Variants in CRYBG3 observed in about 807,000 individuals in gnomAD.
CRYBG3 encodes the protein crystallin beta-gamma domain containing 3, also known as very large A-kinase anchor protein.
Under a neutral mutation model 244.2 loss-of-function variants are expected in CRYBG3, and 127 were observed. The observed-to-expected ratio is 0.52, with a 90% CI of 0.45 to 0.60. The LOEUF (loss-of-function observed/expected upper bound fraction) is 0.60, where lower values mean the gene tolerates loss of function less well. CRYBG3 is among the 20% of genes least tolerant of loss of function. The probability of loss-of-function intolerance (pLI) is 0.00; values close to 1 mark genes in which losing one functional copy is unlikely to be tolerated. For missense variants in CRYBG3, 3,325 were observed against 3,442.5 expected (o/e 0.97, Z 0.85); for synonymous variants, 1,132 against 1,195.8 (o/e 0.95, Z 1.10).
Position 97,874,855 on chromosome 3 carries a change from G to A in CRYBG3, c.3661G>A (p.Val1221Met). The A allele has an allele frequency of 2.6e-6, 4 of 1,535,786 alleles. No individual in the cohort carries two copies. The highest frequency in any genetic ancestry group is 1.2e-5 in the South Asian group (1 of 84,018). Reference sequence around the variant, plus strand: ...GGAAGAACTAAAATTCAAACACACAGTGAGTACCTGCCAGGAGCATATAGC... The same window carrying A: ...GGAAGAACTAAAATTCAAACACACAATGAGTACCTGCCAGGAGCATATAGC... ...VREELKFKHT[V>M]STCQEHIAIE... The change falls in exon 4 of 22, where the codon GTG (valine) becomes ATG (methionine). Residue 1221 changes from valine to methionine, a missense_variant. By Grantham distance (21) the Val-to-Met change is conservative. This residue lies in a region of CRYBG3 where 1,526 missense variants were observed against 1,443.2 expected (regional missense o/e 1.06). Coordinates refer to ENST00000389622, the MANE Select transcript of CRYBG3 (RefSeq NM_153605.4).
chr3:97,876,879 A>G lies in CRYBG3; in HGVS notation c.5685A>G (p.Thr1895=). ...EAMLPAFESK[T]PQEYAEGSVE... is the part of the protein sequence containing the mutation. ...TGCTTCCTGCATTTGAAAGTAAAAC[A>G]CCACAAGAGTATGCTGAAGGGAGTG... The change falls in exon 4 of 22, where the codon ACA becomes ACG. Residue 1895 remains threonine, a synonymous_variant. Transcript: ENST00000389622. 2.9e-6 allele frequency: 4 copies of G among 1,394,618 alleles called. No homozygotes were observed. The highest frequency in any genetic ancestry group is 3.7e-6 in the Non-Finnish European group (4 of 1,074,440). 86.4% of individuals were successfully genotyped at this position (1,394,618 alleles called of 1,614,324 possible).
intron 19 of CRYBG3, among the ~76,000 whole-genome samples, chr3:97,937,798 G>A (rs1226422525): frequency 1.3e-5 from 2 of 151,910 alleles, no homozygotes; most frequent in Non-Finnish European, 2.9e-5. Context: ...ATGAAGGAAT[G>A]AATATATCAG....
intron 16 of CRYBG3, among the ~76,000 whole-genome samples, chr3:97,914,394 T>C (rs1449619288): frequency 6.6e-6 from 1 of 152,204 alleles, no homozygotes; most frequent in East Asian, 1.9e-4. Flanking sequence ...CATTGAAGTT[T>C]TTCTGGAGGA....
intron 17 of CRYBG3, 130 bp from the exon 18 acceptor site, chr3:97,933,564 A>C (rs1229683002): frequency 1.5e-5 from 14 of 922,682 alleles, no homozygotes; most frequent in Non-Finnish European, 2.4e-5. Context: ...GACTATAGCA[A>C]CCTTAGAGAG....
intron 2 of CRYBG3, among the ~76,000 whole-genome samples, chr3:97,850,018 G>A (rs1254828262): frequency 6.6e-6 from 1 of 152,026 alleles, no homozygotes; most frequent in African/African-American, 2.4e-5. Flanking sequence ...GTGAGCTTCA[G>A]GGTGATAAAG....
chr3:97,904,830 T>G (rs977628024), intron 15 of CRYBG3, among the ~76,000 whole-genome samples: 5 of 151,426 alleles, frequency 3.3e-5, no homozygotes, highest in Non-Finnish European at 7.4e-5. Flanking sequence ...GCTGGTGCAC[T>G]GCACCCACTA....
intron 3 of CRYBG3, among the ~76,000 whole-genome samples, chr3:97,867,729 A>G (rs1226177625): frequency 6.6e-6 from 1 of 152,218 alleles, no homozygotes; most frequent in African/African-American, 2.4e-5. Context: ...TAATTACAAA[A>G]TGCATGAAGT....
intron 21 of CRYBG3, 128 bp downstream of exon 21, chr3:97,942,571 G>A: frequency 1.1e-6 from 1 of 883,582 alleles, no homozygotes; most frequent in Non-Finnish European, 1.7e-6. Context: ...TATGCTTGAA[G>A]AAAATTAAGA....
chr3:97,884,455 T>C (rs544296851), intron 7 of CRYBG3, among the ~76,000 whole-genome samples: 7 of 152,168 alleles, frequency 4.6e-5, no homozygotes, highest in Non-Finnish European at 8.8e-5. Context: ...ATTTTCTTAC[T>C]GTGTTTGTTT....
chr3:97,928,949 CTA>C (rs1325109659), intron 17 of CRYBG3, among the ~76,000 whole-genome samples: 1 of 151,790 alleles, frequency 6.6e-6, no homozygotes. Context: ...ATATTAAGTG[CTA>C]TATATGTTAG....
In CRYBG3 at chr3:97,944,455, TAAAG is replaced by T. The variant is rs2040304160; in HGVS notation, c.*1147_*1150del. The T allele has an allele frequency of 6.6e-6, 1 of 152,366 alleles. No homozygotes were observed. The highest frequency in any genetic ancestry group is 2.4e-5 in the African/African-American group (1 of 41,418). The allele number at this position is 152,366 out of a possible 1,614,324, so 9.4% of individuals were successfully genotyped here. A position where few individuals can be genotyped will look rare whatever the true frequency, so the allele number is the denominator to read the frequency against. On this transcript the variant is annotated 3_prime_UTR_variant, in exon 22 of 22. Coordinates refer to ENST00000389622, the MANE Select transcript of CRYBG3 (RefSeq NM_153605.4). ...AAAGCAGAAAAATGCTCTATTTTTA[TAAAG>T]AAAGATTAAATTCTCCAATGATATT...
chr3:97,912,281 G>C lies in CRYBG3; in HGVS notation c.8114+5G>C. 6.7e-7 allele frequency: 1 copy of C among 1,491,956 alleles called. No homozygotes were observed. 92.4% of individuals were successfully genotyped at this position (1,491,956 alleles called of 1,614,324 possible). On this transcript the variant is annotated splice_donor_5th_base_variant and intron_variant, in intron 16 of 21. Transcript: ENST00000389622. ...TTTTAAAGTTCTTCGAGGTTGGTAA[G>C]TATGCTTACTTAGTGGTTTCTGCTG...
intron 2 of CRYBG3, among the ~76,000 whole-genome samples, chr3:97,859,480 A>G (rs1178178869): frequency 6.6e-6 from 1 of 152,216 alleles, no homozygotes; most frequent in Admixed American, 6.5e-5. Flanking sequence ...TGTAGGTACC[A>G]TGAAAGCCAG....
rs2040282022 is a variant in CRYBG3 at position 97,943,560 on chromosome 3, C to T, written c.*246C>T. 1 of 430,480 alleles carries T rather than the reference C, an allele frequency of 2.3e-6. No homozygotes were observed. Among genetic ancestry groups the T allele is most frequent in the Admixed American group, 4.7e-5 (1 of 21,260 alleles). 26.7% of individuals were successfully genotyped at this position (430,480 alleles called of 1,614,324 possible). ...ATCTTGGAAAGGTTCTATTCCTGATCTCCAGCTGTGGTGAGCAAGTTTCCT... is the reference window on the plus strand; with the variant it reads ...ATCTTGGAAAGGTTCTATTCCTGATTTCCAGCTGTGGTGAGCAAGTTTCCT... On this transcript the variant is annotated 3_prime_UTR_variant, in exon 22 of 22. Transcript: ENST00000389622.
chr3:97,913,698 G>A lies in CRYBG3; in HGVS notation c.8114+1422G>A, dbSNP rs544701676. 3.3e-5 allele frequency among the ~76,000 whole-genome samples: 5 copies of A among 152,292 alleles called. No homozygotes were observed. The East Asian group carries it at 7.7e-4, about 23-fold the overall frequency. ...TGCTGACACCTGTTTCATACCAAAG[G>A]TTGGAGGTCTCTGGTAAATCTAGCC... On this transcript the variant is annotated intron_variant, in intron 16 of 21. Transcript: ENST00000389622.
chr3:97,850,289 A>G (rs554408400), intron 2 of CRYBG3, among the ~76,000 whole-genome samples: 82 of 152,236 alleles, frequency 5.4e-4, no homozygotes, highest in Admixed American at 2.3e-3. Flanking sequence ...AATTTCACGC[A>G]TATTTTTTCT....
At chr3:97,839,310 ATTTAT>A (rs1037251675) in intron 1 of CRYBG3, among the ~76,000 whole-genome samples, 1 of 151,852 alleles carries the variant, frequency 6.6e-6, no homozygotes, top group African/African-American at 2.4e-5. Flanking sequence ...TTTTTATTTT[ATTTAT>A]TTTATTTTAT....
At chr3:97,849,984 T>C (rs2038960322) in intron 2 of CRYBG3, among the ~76,000 whole-genome samples, 1 of 152,172 alleles carries the variant, frequency 6.6e-6, no homozygotes, top group Admixed American at 6.5e-5. Context: ...AGCTCATATA[T>C]GTTCCTTTAG....
intron 1 of CRYBG3, among the ~76,000 whole-genome samples, chr3:97,834,017 C>A (rs1236377260): frequency 1.3e-5 from 2 of 152,014 alleles, no homozygotes; most frequent in Non-Finnish European, 2.9e-5. Context: ...AGTGAAAAAT[C>A]ACTCACCACC....
Sources: gnomAD v4.1 joint callset for allele counts (sites outside exome capture counted in the v4.1 genomes callset) on GRCh38, gnomAD v4.1.1 for gene constraint, gnomAD v4.1.1 regional missense constraint, MANE v1.5 for transcripts, NCBI Gene and HGNC (gene_info 2026-07-23, HGNC 2026-07-21) for gene names.